The following MACROD2 variants were observed in gnomAD, a reference collection of about 807,000 sequenced individuals.
MACROD2 encodes ADP-ribose glycohydrolase MACROD2.
A neutral mutation model predicts 70.4 loss-of-function variants in MACROD2; 36 were observed. That is an observed-to-expected ratio of 0.51 (90% CI 0.39 to 0.68). The LOEUF (loss-of-function observed/expected upper bound fraction) is 0.68. Ranked by LOEUF, MACROD2 falls within the 30% of genes least tolerant of loss-of-function variation. MACROD2 has a pLI of 0.00. For synonymous variants in MACROD2, 172 were observed against 178.8 expected (o/e 0.96, Z 0.30); for missense variants, 496 against 538.4 (o/e 0.92, Z 0.78).
intron 8 of MACROD2, among the ~76,000 whole-genome samples, chr20:15,624,686 G>A (rs2049177009): frequency 6.6e-6 from 1 of 152,160 alleles, no homozygotes; most frequent in South Asian, 2.1e-4. Flanking sequence ...CAATGACAGA[G>A]TTGAGTTGTT....
intron 5 of MACROD2, among the ~76,000 whole-genome samples, chr20:15,122,207 G>C (rs1194980968): frequency 6.6e-6 from 1 of 152,136 alleles, no homozygotes; most frequent in African/African-American, 2.4e-5. Context: ...GCATTAAAAT[G>C]TTTTGAAATG....
intron 6 of MACROD2, among the ~76,000 whole-genome samples, chr20:15,274,652 TATTC>T: frequency 6.6e-6 from 1 of 152,232 alleles, no homozygotes; most frequent in East Asian, 1.9e-4. Flanking sequence ...ATTCAGTAGG[TATTC>T]AACGCCTACC....
At chr20:15,170,907 T>TAG (rs1262166763) in intron 5 of MACROD2, among the ~76,000 whole-genome samples, 1 of 152,146 alleles carries the variant, frequency 6.6e-6, no homozygotes, top group Non-Finnish European at 1.5e-5. Context: ...CTGCCCAGCT[T>TAG]AGAGAGAGAG....
chr20:14,537,351 G>A (rs942058342), intron 4 of MACROD2, among the ~76,000 whole-genome samples: 5 of 152,152 alleles, frequency 3.3e-5, no homozygotes, highest in African/African-American at 1.2e-4. Context: ...AGGGTAACTA[G>A]GACTAAGTCC....
chr20:14,958,623 G>T (rs2074557714), intron 5 of MACROD2, among the ~76,000 whole-genome samples: 1 of 152,172 alleles, frequency 6.6e-6, no homozygotes, highest in African/African-American at 2.4e-5. Context: ...ACTCTTGCAT[G>T]TTCCCCATGT....
intron 3 of MACROD2, among the ~76,000 whole-genome samples, chr20:14,348,434 G>T (rs1342644436): frequency 6.6e-6 from 1 of 151,886 alleles, no homozygotes; most frequent in East Asian, 1.9e-4. Context: ...AGTTCAGGAT[G>T]TGTTATCTAC....
chr20:15,039,862 C>T (rs2075341952), intron 5 of MACROD2, among the ~76,000 whole-genome samples: 1 of 152,086 alleles, frequency 6.6e-6, no homozygotes, highest in African/African-American at 2.4e-5. Flanking sequence ...AACACAATGT[C>T]ATTATCAGAA....
intron 5 of MACROD2, among the ~76,000 whole-genome samples, chr20:14,919,195 G>T (rs2074130920): frequency 6.6e-6 from 1 of 152,136 alleles, no homozygotes; most frequent in Non-Finnish European, 1.5e-5. Flanking sequence ...ACATTGCTGG[G>T]AAAGTAAAAG....
At chr20:14,662,615 C>G (rs1324808475) in intron 4 of MACROD2, among the ~76,000 whole-genome samples, 1 of 152,074 alleles carries the variant, frequency 6.6e-6, no homozygotes, top group African/African-American at 2.4e-5. Context: ...TAATCAGCAT[C>G]TATAAGGAAC....
At chr20:14,197,392 C>T (rs1422879185) in intron 3 of MACROD2, among the ~76,000 whole-genome samples, 1 of 152,198 alleles carries the variant, frequency 6.6e-6, no homozygotes, top group South Asian at 2.1e-4. Flanking sequence ...TTACTAACAT[C>T]TTGCAAGTGA....
chr20:15,712,195 G>A (rs2050638673), intron 8 of MACROD2, among the ~76,000 whole-genome samples: 1 of 152,180 alleles, frequency 6.6e-6, no homozygotes, highest in Non-Finnish European at 1.5e-5. Flanking sequence ...TTCTTAAGAA[G>A]GCTAGAGTCA....
chr20:14,783,832 C>A (rs1460752815), intron 5 of MACROD2, among the ~76,000 whole-genome samples: 2 of 152,074 alleles, frequency 1.3e-5, no homozygotes, highest in African/African-American at 2.4e-5. Context: ...AGAATATGTA[C>A]CTCCCTTTCC....
chr20:15,826,917 C>T (rs2147111070), intron 8 of MACROD2, among the ~76,000 whole-genome samples: 1 of 152,184 alleles, frequency 6.6e-6, no homozygotes, highest in South Asian at 2.1e-4. Flanking sequence ...TAACATATTC[C>T]AGTACTAGTG....
chr20:15,246,357 G>A (rs572993233), intron 6 of MACROD2, among the ~76,000 whole-genome samples: 9 of 152,192 alleles, frequency 5.9e-5, no homozygotes, highest in African/African-American at 2.2e-4. Flanking sequence ...TTTTTTAGGG[G>A]CCAGCAATCC....
At chr20:15,420,086 G>A (rs927920) in intron 6 of MACROD2, among the ~76,000 whole-genome samples, 66,062 of 151,940 alleles carry the variant, frequency 0.43, 14,442 homozygotes, top group African/African-American at 0.46. Context: ...ACATATGTAT[G>A]ATTTACAGTA....
At chr20:15,691,632 A>G (rs1303179594) in intron 8 of MACROD2, among the ~76,000 whole-genome samples, 2 of 152,226 alleles carry the variant, frequency 1.3e-5, no homozygotes, top group Non-Finnish European at 2.9e-5. Flanking sequence ...GAGATAATGC[A>G]TGGAATGTGC....
At chr20:15,694,554 G>A (rs1431200181) in intron 8 of MACROD2, among the ~76,000 whole-genome samples, 2 of 151,950 alleles carry the variant, frequency 1.3e-5, no homozygotes, top group African/African-American at 4.8e-5. Context: ...CCCACTTTTG[G>A]ATGTGATGTT....
At chr20:14,543,368 A>G (rs2085455855) in intron 4 of MACROD2, among the ~76,000 whole-genome samples, 1 of 152,186 alleles carries the variant, frequency 6.6e-6, no homozygotes, top group Admixed American at 6.5e-5. Flanking sequence ...TCTATCTCAA[A>G]TAATATTCCC....
chr20:14,210,255 G>A (rs1178744235), intron 3 of MACROD2, among the ~76,000 whole-genome samples: 1 of 152,216 alleles, frequency 6.6e-6, no homozygotes, highest in Non-Finnish European at 1.5e-5. Flanking sequence ...TTTGCAGATT[G>A]TGAGTAAGTA....
Sources: gnomAD v4.1 joint callset for allele counts (sites outside exome capture counted in the v4.1 genomes callset) on GRCh38, gnomAD v4.1.1 for gene constraint, MANE v1.5 for transcripts, NCBI Gene and HGNC (gene_info 2026-07-23, HGNC 2026-07-21) for gene names.